The following ZNF385D variants were observed in gnomAD, a reference collection of about 807,000 sequenced individuals.
ZNF385D encodes zinc finger protein 659.
In ZNF385D, 15 loss-of-function variants were observed where a neutral mutation model predicts 35.8. The observed-to-expected ratio is 0.42, with a 90% CI of 0.28 to 0.64. The LOEUF is 0.64. Among genes scored for constraint, ZNF385D ranks in the 30% least tolerant of loss-of-function variants. The pLI is 0.23. For missense variants in ZNF385D, 474 were observed against 494.6 expected, an observed-to-expected ratio of 0.96 and a Z score of 0.39; for synonymous variants, 212 against 186.8, an observed-to-expected ratio of 1.13 and a Z score of -1.10.
At chr3:22,107,026 G>GTTGTTTTTTTTTTTTTTTTTTTTTTT (rs538697822) in intron 3 of ZNF385D, among the ~76,000 whole-genome samples, 1 of 118,830 alleles carries the variant, frequency 8.4e-6, no homozygotes, top group African/African-American at 3.0e-5. Context: ...TGGAATGAGA[G>GTTGTTTTTTTTTTTTTTTTTTTTTTT]TTTTTTTTTT....
chr3:22,346,302 A>G (rs1559532964), intron 2 of ZNF385D, among the ~76,000 whole-genome samples: 1 of 152,230 alleles, frequency 6.6e-6, no homozygotes, highest in Non-Finnish European at 1.5e-5. Flanking sequence ...ATTTGTCTAA[A>G]TACAAATAAC....
intron 2 of ZNF385D, among the ~76,000 whole-genome samples, chr3:22,348,941 T>G (rs908314410): frequency 1.3e-5 from 2 of 152,218 alleles, no homozygotes; most frequent in Non-Finnish European, 2.9e-5. Flanking sequence ...AATGGCATAA[T>G]TACATAAAGT....
chr3:21,751,723 A>G (rs1201524215), upstream of ZNF385D, among the ~76,000 whole-genome samples: 1 of 152,110 alleles, frequency 6.6e-6, no homozygotes, highest in Non-Finnish European at 1.5e-5. Context: ...CACATCCCAG[A>G]AAGCTAGTAC....
intron 3 of ZNF385D, among the ~76,000 whole-genome samples, chr3:22,069,813 T>G (rs1422594633): frequency 6.6e-6 from 1 of 152,102 alleles, no homozygotes; most frequent in African/African-American, 2.4e-5. Flanking sequence ...CATGAAATAG[T>G]CAGACCCAAG....
chr3:21,435,255 ATTTT>A (rs3064965), intron 5 of ZNF385D, among the ~76,000 whole-genome samples: 2 of 113,414 alleles, frequency 1.8e-5, no homozygotes, highest in African/African-American at 3.4e-5. Flanking sequence ...ACAACTCCCA[ATTTT>A]TTTTTTTTTT....
At position 21,723,188 on chromosome 3, in the gene ZNF385D, T is replaced by C. The variant is rs575127102; in HGVS notation, c.22+27707A>G. ...CGAAAGGTAGATAAATCCACAAAGATAGGGAGAAACCAGCACAAAAAGGGT... is the reference window on the plus strand; with the variant it reads ...CGAAAGGTAGATAAATCCACAAAGACAGGGAGAAACCAGCACAAAAAGGGT... On this transcript the variant is annotated intron_variant, in intron 1 of 7. Coordinates refer to ENST00000281523, the MANE Select transcript of ZNF385D (RefSeq NM_024697.3). Among the ~76,000 whole-genome samples the C allele has an allele frequency of 6.6e-5, 10 of 152,140 alleles. No homozygotes were observed. In the South Asian group the frequency reaches 1.9e-3, roughly 28 times the overall value.
At chr3:21,673,406 A>G (rs1448160695) in intron 1 of ZNF385D, among the ~76,000 whole-genome samples, 1 of 152,144 alleles carries the variant, frequency 6.6e-6, no homozygotes, top group African/African-American at 2.4e-5. Flanking sequence ...GTGCAAAGCA[A>G]TGTTCTCAAG....
chr3:21,829,645 G>C (rs1429705479), intron 3 of ZNF385D, among the ~76,000 whole-genome samples: 4 of 152,050 alleles, frequency 2.6e-5, no homozygotes, highest in Non-Finnish European at 4.4e-5. Context: ...GGTCAAGCTG[G>C]TGGTAGTGAG....
chr3:21,881,179 A>G (rs9823310), intron 3 of ZNF385D, among the ~76,000 whole-genome samples: 3,225 of 151,890 alleles, frequency 0.021, 102 homozygotes, highest in African/African-American at 0.067. Flanking sequence ...ACAGATTCTC[A>G]GTGTAGACAA....
At chr3:22,126,308 TTG>T (rs1236332645) in intron 3 of ZNF385D, among the ~76,000 whole-genome samples, 1,725 of 71,802 alleles carry the variant, frequency 0.024, 20 homozygotes, top group South Asian at 0.085. Flanking sequence ...TATTTGAAAG[TTG>T]TTTTTTTTTT....
intron 3 of ZNF385D, among the ~76,000 whole-genome samples, chr3:21,546,334 A>G (rs950863202): frequency 6.6e-6 from 1 of 152,086 alleles, no homozygotes; most frequent in Non-Finnish European, 1.5e-5. Flanking sequence ...CGGTGATGGA[A>G]TAAATAGTGT....
intron 3 of ZNF385D, among the ~76,000 whole-genome samples, chr3:22,152,725 G>C (rs753847882): frequency 6.6e-6 from 1 of 152,114 alleles, no homozygotes; most frequent in Non-Finnish European, 1.5e-5. Context: ...TTCATCTCAA[G>C]ACCATGAATT....
intron 3 of ZNF385D, among the ~76,000 whole-genome samples, chr3:21,899,705 A>G (rs1699305454): frequency 6.6e-6 from 1 of 152,084 alleles, no homozygotes; most frequent in Admixed American, 6.6e-5. Flanking sequence ...ACTGCTTTAT[A>G]TTTGGTGCCT....
chr3:22,107,934 C>G (rs532666276), intron 3 of ZNF385D, among the ~76,000 whole-genome samples: 3 of 151,872 alleles, frequency 2.0e-5, no homozygotes, highest in African/African-American at 7.2e-5. Context: ...GAGGACTCCT[C>G]CCTCATGAAA....
At chr3:22,058,225 T>C (rs1699509340) in intron 3 of ZNF385D, among the ~76,000 whole-genome samples, 1 of 152,206 alleles carries the variant, frequency 6.6e-6, no homozygotes, top group African/African-American at 2.4e-5. Flanking sequence ...AAGCAAACTG[T>C]ATTAGAATAC....
chr3:22,281,412 C>T (rs1475231610), intron 2 of ZNF385D, among the ~76,000 whole-genome samples: 1 of 152,058 alleles, frequency 6.6e-6, no homozygotes, highest in African/African-American at 2.4e-5. Context: ...TATGTCCCTT[C>T]TATGCCAATT....
intron 4 of ZNF385D, among the ~76,000 whole-genome samples, chr3:21,505,879 T>A (rs1454724087): frequency 6.6e-6 from 1 of 152,112 alleles, no homozygotes; most frequent in East Asian, 1.9e-4. Context: ...TATTCATAGC[T>A]CCTCCTATAT....
intron 3 of ZNF385D, among the ~76,000 whole-genome samples, chr3:21,871,831 C>T (rs1254485484): frequency 6.6e-6 from 1 of 151,866 alleles, no homozygotes; most frequent in Non-Finnish European, 1.5e-5. Flanking sequence ...CATGATGAAA[C>T]CCCGTCTCTA....
At chr3:21,533,333 A>G (rs1394701347) in intron 3 of ZNF385D, among the ~76,000 whole-genome samples, 5 of 152,124 alleles carry the variant, frequency 3.3e-5, no homozygotes, top group Non-Finnish European at 7.3e-5. Context: ...ATTGCTTCAC[A>G]TTTGGAAAAT....
Sources: gnomAD v4.1 joint callset for allele counts (sites outside exome capture counted in the v4.1 genomes callset) on GRCh38, gnomAD v4.1.1 for gene constraint, MANE v1.5 for transcripts, NCBI Gene and HGNC (gene_info 2026-07-23, HGNC 2026-07-21) for gene names.